Variants in CNNM1 observed in about 807,000 individuals in gnomAD.
CNNM1 encodes cyclin and CBS domain divalent metal cation transport mediator 1, also known as metal transporter CNNM1.
Under a neutral mutation model 78.8 loss-of-function variants are expected in CNNM1, and 44 were observed. The ratio of observed to expected loss-of-function variants is 0.56; its 90% CI spans 0.44 to 0.72. The LOEUF (loss-of-function observed/expected upper bound fraction) is 0.72, where lower values mean the gene tolerates loss of function less well. CNNM1 is among the 30% of genes least tolerant of loss of function. CNNM1 has a pLI of 0.00. For missense variants in CNNM1, 1,101 were observed against 1,292.2 expected, an observed-to-expected ratio of 0.85 and a Z score of 2.27; for synonymous variants, 584 against 581.5, an observed-to-expected ratio of 1.00 and a Z score of -0.06.
intron 9 of CNNM1, among the ~76,000 whole-genome samples, chr10:99,389,541 C>T (rs4917864): frequency 0.21 from 31,619 of 151,888 alleles, 4,937 homozygotes; most frequent in African/African-American, 0.44. Context: ...ACTGATGTTC[C>T]TTTTCTGCCC....
intron 7 of CNNM1, among the ~76,000 whole-genome samples, chr10:99,378,247 C>T (rs1254712720): frequency 6.6e-6 from 1 of 152,212 alleles, no homozygotes; most frequent in Non-Finnish European, 1.5e-5. Context: ...CAGGCGTGAG[C>T]CACCGCGCCC....
intron 1 of CNNM1, among the ~76,000 whole-genome samples, chr10:99,342,738 AG>A (rs2030509755): frequency 6.6e-6 from 1 of 152,068 alleles, no homozygotes; most frequent in African/African-American, 2.4e-5. Context: ...CTCATTCCAA[AG>A]GAGGCTTTCA....
intron 10 of CNNM1, among the ~76,000 whole-genome samples, chr10:99,391,030 A>G (rs1159201251): frequency 6.6e-6 from 1 of 152,270 alleles, no homozygotes; most frequent in Non-Finnish European, 1.5e-5. Flanking sequence ...AATGGCTTGC[A>G]GCTACAGCCA....
chr10:99,377,434 G>C, intron 7 of CNNM1: 1 of 387,836 alleles, frequency 2.6e-6, no homozygotes, highest in Admixed American at 4.4e-5. Context: ...AACATCTCCT[G>C]ACCCCCTTTT....
In CNNM1 at chr10:99,329,577, G is replaced by A; in HGVS notation, c.190G>A (p.Ala64Thr). The A allele has an allele frequency of 6.6e-7, 1 of 1,522,160 alleles. No homozygotes were observed. The highest frequency in any genetic ancestry group is 8.7e-7 in the Non-Finnish European group (1 of 1,145,746). The allele number at this position is 1,522,160 out of a possible 1,614,324, so 94.3% of individuals were successfully genotyped here. A position where few individuals can be genotyped will look rare whatever the true frequency, so the allele number is the denominator to read the frequency against. The part of the protein sequence containing the change: ...RVSLEGGTLR[A>T]AEGTSFLLRV... ...GTCCCTGGAGGGGGGCACCCTGCGC[G>A]CCGCCGAAGGCACCAGCTTCCTCCT... The change falls in exon 1 of 11, where the codon GCC (alanine) becomes ACC (threonine). Residue 64 changes from alanine to threonine, a missense_variant. Transcript: ENST00000356713.
intron 2 of CNNM1, 94 bp from the exon 3 acceptor site, chr10:99,360,741 G>A: frequency 6.8e-7 from 1 of 1,480,410 alleles, no homozygotes. Flanking sequence ...TGACACTGCA[G>A]AAATGTTCTA....
At chr10:99,339,700 A>G (rs1002463149) in intron 1 of CNNM1, among the ~76,000 whole-genome samples, 1 of 152,170 alleles carries the variant, frequency 6.6e-6, no homozygotes, top group Non-Finnish European at 1.5e-5. Context: ...CCCTGGTGCC[A>G]GAAAGGTTGG....
intron 6 of CNNM1, among the ~76,000 whole-genome samples, chr10:99,365,849 CCAGAG>C: frequency 6.6e-6 from 1 of 152,040 alleles, no homozygotes. Context: ...TCAGAGGGTC[CCAGAG>C]CTTGATATCA....
Position 99,387,804 on chromosome 10 carries a change from G to A in CNNM1, c.2341-16G>A. ...TCTGCCTAGCTGCTCCTAAGCTCCT[G>A]CCCTCTTCCTTCCAGATCACACGGC... On this transcript the variant is annotated splice_polypyrimidine_tract_variant and intron_variant, in intron 7 of 10. Transcript: ENST00000356713. 2 of 1,577,576 alleles carry A rather than the reference G, an allele frequency of 1.3e-6. No individual in the cohort carries two copies. The highest frequency in any genetic ancestry group is 1.7e-6 in the Non-Finnish European group (2 of 1,161,478).
At chr10:99,362,164 A>G in intron 3 of CNNM1, 63 bp from the exon 4 acceptor site, 1 of 1,452,438 alleles carries the variant, frequency 6.9e-7, no homozygotes, top group Non-Finnish European at 9.3e-7. Context: ...CCCAGCTGCC[A>G]CTGCTGGAAT....
chr10:99,329,430 C>T lies in CNNM1; in HGVS notation c.43C>T (p.Leu15Phe). 1 of 1,149,404 alleles carries T rather than the reference C, an allele frequency of 8.7e-7. No individual in the cohort carries two copies. The highest frequency in any genetic ancestry group is 1.2e-6 in the Non-Finnish European group (1 of 827,228). The allele number at this position is 1,149,404 out of a possible 1,614,324, so 71.2% of individuals were successfully genotyped here. A position where few individuals can be genotyped will look rare whatever the true frequency, so the allele number is the denominator to read the frequency against. Reference protein sequence around the residue: ...AAAAAAVGVRLRDCCSRGAVL... With the variant: ...AAAAAAVGVRFRDCCSRGAVL... Reference sequence around the variant, plus strand: ...GGCGGCAGCAGCGGTGGGTGTCAGGCTCCGGGACTGCTGCAGCCGAGGCGC... The same window carrying T: ...GGCGGCAGCAGCGGTGGGTGTCAGGTTCCGGGACTGCTGCAGCCGAGGCGC... The change falls in exon 1 of 11, where the codon CTC becomes TTC. Residue 15 changes from leucine (L) to phenylalanine (F), a missense_variant. This residue lies in a region of CNNM1 where 476 missense variants were observed against 484.5 expected (regional missense o/e 0.98). Transcript: ENST00000356713.
At chr10:99,388,754 G>A (rs2032382807) in intron 9 of CNNM1, among the ~76,000 whole-genome samples, 1 of 152,152 alleles carries the variant, frequency 6.6e-6, no homozygotes, top group African/African-American at 2.4e-5. Flanking sequence ...CTTTATAAAT[G>A]TTACATAGCT....
chr10:99,330,715 G>T lies in CNNM1; in HGVS notation c.1328G>T (p.Arg443Leu). The stretch of plus-strand genomic sequence containing the variant: ...CCCCTGGGAGACTGCTTCATGCTGC[G>T]CTCAGACGCGGTGCTCGACTTCGCC... Reference protein sequence around the residue: ...LTPLGDCFMLRSDAVLDFATV... With the variant: ...LTPLGDCFMLLSDAVLDFATV... Residue 443 changes from arginine to leucine, a missense_variant, in exon 1 of 11, where the codon CGC becomes CTC. By Grantham distance (102) the Arg-to-Leu change is moderately radical. Transcript: ENST00000356713. 1.2e-6 allele frequency: 2 copies of T among 1,614,002 alleles called. No individual in the cohort carries two copies. Among genetic ancestry groups the T allele is most frequent in the Admixed American group, 1.7e-5 (1 of 60,028 alleles).
chr10:99,371,986 C>T (rs773711918), intron 6 of CNNM1, among the ~76,000 whole-genome samples: 59 of 152,062 alleles, frequency 3.9e-4, no homozygotes, highest in Non-Finnish European at 1.0e-4. Flanking sequence ...CCTCCTTTTT[C>T]CTCAAATCCT....
At chr10:99,390,256 C>A in intron 9 of CNNM1, 50 bp from the exon 10 acceptor site, 1 of 1,308,338 alleles carries the variant, frequency 7.6e-7, no homozygotes, top group African/African-American at 1.5e-5. Flanking sequence ...TCTCTTGATG[C>A]CTGAGTGTGT....
chr10:99,361,087 A>T, intron 3 of CNNM1, 112 bp downstream of exon 3: 2 of 1,194,072 alleles, frequency 1.7e-6, no homozygotes, highest in East Asian at 2.6e-5. Context: ...GTCAGGACTG[A>T]GAAGCACTGT....
At chr10:99,337,064 A>T (rs996976223) in intron 1 of CNNM1, among the ~76,000 whole-genome samples, 3 of 152,220 alleles carry the variant, frequency 2.0e-5, no homozygotes, top group African/African-American at 7.2e-5. Flanking sequence ...TACTCATAAG[A>T]TTGTGTGAAA....
chr10:99,373,967 C>T (rs919480948), intron 6 of CNNM1, among the ~76,000 whole-genome samples: 69 of 152,076 alleles, frequency 4.5e-4, no homozygotes, highest in Admixed American at 5.9e-4. Context: ...TTTATCCAGT[C>T]ATCCATTGAT....
In CNNM1 at chr10:99,391,512, C is replaced by T. The variant is rs746696572; in HGVS notation, c.2852C>T (p.Thr951Ile). ...AACTCCAATTTAACACCTCTGATCA[C>T]ATGACAGGGCAAAGCCAGCATTCAC... ...EDNSNLTPLI[T>I] The change falls in exon 11 of 11, where the codon ACA becomes ATA. Residue 951 changes from threonine (T) to isoleucine (I), a missense_variant. Thr to Ile is a moderately conservative substitution (Grantham distance 89, BLOSUM62 -1). Transcript: ENST00000356713. The T allele has an allele frequency of 2.5e-6, 4 of 1,613,252 alleles. No individual in the cohort carries two copies. The Admixed American group carries it at 6.7e-5, about 27-fold the overall frequency.
Sources: allele counts gnomAD v4.1 joint callset (sites outside exome capture counted in the v4.1 genomes callset), GRCh38; gene constraint gnomAD v4.1.1; regional missense constraint gnomAD v4.1.1; transcripts MANE v1.5; gene names NCBI Gene and HGNC (gene_info 2026-07-23, HGNC 2026-07-21).